Variants in ARID1B observed in about 807,000 individuals in gnomAD.
The protein encoded by ARID1B is AT-rich interactive domain-containing protein 1B.
A neutral mutation model predicts 212.3 loss-of-function variants in ARID1B; 30 were observed. The ratio of observed to expected loss-of-function variants is 0.14; its 90% CI spans 0.11 to 0.19. The LOEUF is 0.19. Ranked by LOEUF, ARID1B falls within the 10% of genes least tolerant of loss-of-function variation. ARID1B has a pLI of 1.00. For missense variants in ARID1B, 2,891 were observed against 3,204.0 expected, an observed-to-expected ratio of 0.90 and a Z score of 2.36; for synonymous variants, 1,402 against 1,301.7, an observed-to-expected ratio of 1.08 and a Z score of -1.66.
At chr6:156,827,588 G>A (rs922300595) in intron 1 of ARID1B, among the ~76,000 whole-genome samples, 1 of 152,082 alleles carries the variant, frequency 6.6e-6, no homozygotes, top group Admixed American at 6.5e-5. Flanking sequence ...CAGCATCTTC[G>A]TAAATTCGTG....
At chr6:156,913,343 A>C (rs1445712412) in intron 3 of ARID1B, among the ~76,000 whole-genome samples, 1 of 150,550 alleles carries the variant, frequency 6.6e-6, no homozygotes, top group Non-Finnish European at 1.5e-5. Flanking sequence ...CAGCCTCTTG[A>C]GTAGCTAGAA....
intron 4 of ARID1B, among the ~76,000 whole-genome samples, chr6:157,063,796 T>C (rs12663721): frequency 0.028 from 4,234 of 152,292 alleles, 299 homozygotes; most frequent in East Asian, 0.28. Flanking sequence ...TCATGACTTA[T>C]CACAGGGTGA....
intron 3 of ARID1B, among the ~76,000 whole-genome samples, chr6:156,933,814 TAC>T (rs775367482): frequency 1.3e-5 from 2 of 152,200 alleles, no homozygotes; most frequent in Non-Finnish European, 2.9e-5. Context: ...GAAGAAGGGC[TAC>T]ATGTGAAAAG....
intron 8 of ARID1B, chr6:157,166,183 A>G (rs1034743714): frequency 2.0e-5 from 3 of 152,214 alleles, no homozygotes; most frequent in African/African-American, 7.2e-5. Flanking sequence ...TGTGCAGTTA[A>G]AATCTCTCCC....
chr6:156,838,591 G>A (rs1783670495), intron 2 of ARID1B, among the ~76,000 whole-genome samples: 5 of 152,042 alleles, frequency 3.3e-5, no homozygotes, highest in African/African-American at 7.2e-5. Flanking sequence ...GGGAGGGATA[G>A]CATTAGGAGA....
At chr6:157,065,209 A>T (rs975904661) in intron 4 of ARID1B, among the ~76,000 whole-genome samples, 3 of 152,240 alleles carry the variant, frequency 2.0e-5, no homozygotes, top group Non-Finnish European at 2.9e-5. Context: ...AAAGTAATGA[A>T]AACTTGAAGG....
chr6:157,031,357 G>T (rs989279424), intron 4 of ARID1B, among the ~76,000 whole-genome samples: 2 of 152,194 alleles, frequency 1.3e-5, no homozygotes, highest in African/African-American at 4.8e-5. Context: ...AGCAAACATT[G>T]TAAGGAGAGT....
At chr6:156,818,663 C>G (rs1162768780) in intron 1 of ARID1B, among the ~76,000 whole-genome samples, 1 of 152,096 alleles carries the variant, frequency 6.6e-6, no homozygotes, top group Non-Finnish European at 1.5e-5. Flanking sequence ...AGATGTGAAC[C>G]CAGGTGTACC....
rs1286359206 is a variant in ARID1B, at chr6:157,133,526, G to A, written c.2761+319G>A. 2.6e-5 allele frequency among the ~76,000 whole-genome samples: 4 copies of A among 152,212 alleles called. No individual in the cohort carries two copies. In the East Asian group the frequency reaches 5.8e-4, roughly 22 times the overall value. On this transcript the variant is annotated intron_variant, in intron 7 of 19. Transcript: ENST00000636930. Reference sequence around the variant, plus strand: ...ACGTAGAGAAAAAGACACAAGCCACGTTCTCAGGTTTCTGATGTCAAACTT... The same window carrying A: ...ACGTAGAGAAAAAGACACAAGCCACATTCTCAGGTTTCTGATGTCAAACTT...
chr6:157,202,757 A>G (rs1200291251), intron 18 of ARID1B, among the ~76,000 whole-genome samples: 2 of 150,052 alleles, frequency 1.3e-5, no homozygotes, highest in Non-Finnish European at 1.5e-5. Context: ...ATAAATATAG[A>G]TATATAGATA....
At position 157,020,180 on chromosome 6, in the gene ARID1B, A is replaced by G. The variant is rs374323964; in HGVS notation, c.2248-64482A>G. Among the ~76,000 whole-genome samples the G allele has an allele frequency of 1.4e-4, 22 of 152,350 alleles. 2 individuals carry two copies. Among genetic ancestry groups the G allele is most frequent in the African/African-American group, 5.3e-4 (22 of 41,582 alleles). On this transcript the variant is annotated intron_variant, in intron 4 of 19. Coordinates refer to ENST00000636930, the MANE Select transcript of ARID1B (RefSeq NM_001374828.1). ...GGAAATGTTTTATTTAAGAAAATTA[A>G]TAATATTTAGAAAATAAATTGGATG...
rs1583025508 is a variant in ARID1B, at chr6:156,778,868, CGGCGGA to C, written c.1191_1196del (p.Gly401_Gly402del). The stretch of plus-strand genomic sequence containing the variant: ...GCGCGGGCGGCGGCGGCGGCGGCGG[CGGCGGA>C]GGAGGAGGAGGCAGCGGAGGAGGAG... On this transcript the variant is annotated inframe_deletion, in exon 1 of 20. Transcript: ENST00000636930. 3.6e-6 allele frequency: 5 copies of C among 1,398,696 alleles called. No homozygotes were observed. Among genetic ancestry groups the C allele is most frequent in the South Asian group, 3.2e-5 (2 of 62,358 alleles). The allele number at this position is 1,398,696 out of a possible 1,614,324, so 86.6% of individuals were successfully genotyped here.
intron 8 of ARID1B, among the ~76,000 whole-genome samples, chr6:157,155,655 C>T (rs1790528287): frequency 6.6e-6 from 1 of 152,104 alleles, no homozygotes; most frequent in South Asian, 2.1e-4. Context: ...GTGTTGAGTC[C>T]ATTAGGAAAT....
At chr6:157,038,572 A>AT (rs1195778201) in intron 4 of ARID1B, among the ~76,000 whole-genome samples, 1 of 152,096 alleles carries the variant, frequency 6.6e-6, no homozygotes, top group Non-Finnish European at 1.5e-5. Flanking sequence ...ACCCTAATAA[A>AT]TTTTTTATGT....
chr6:156,921,540 G>A (rs1322964252), intron 3 of ARID1B, among the ~76,000 whole-genome samples: 2 of 151,454 alleles, frequency 1.3e-5, no homozygotes, highest in Non-Finnish European at 2.9e-5. Flanking sequence ...GCTATTTCTT[G>A]GAGAAGGGGG....
At chr6:157,005,675 G>A (rs1356406946) in intron 4 of ARID1B, among the ~76,000 whole-genome samples, 2 of 152,084 alleles carry the variant, frequency 1.3e-5, no homozygotes, top group Admixed American at 6.5e-5. Context: ...CCCGATCTCC[G>A]TTCTACTCAC....
chr6:156,794,361 C>T (rs1034827456), intron 1 of ARID1B, among the ~76,000 whole-genome samples: 14 of 151,960 alleles, frequency 9.2e-5, no homozygotes, highest in Admixed American at 3.3e-4. Context: ...GCAATCCTCC[C>T]ACCGCAGCCT....
chr6:157,155,139 GT>G (rs1171368337), intron 8 of ARID1B, among the ~76,000 whole-genome samples: 1 of 152,184 alleles, frequency 6.6e-6, no homozygotes, highest in Admixed American at 6.5e-5. Context: ...GCAGCTCAGA[GT>G]TAGATTGTTT....
chr6:156,805,530 T>C (rs1583071690), intron 1 of ARID1B, among the ~76,000 whole-genome samples: 2 of 152,188 alleles, frequency 1.3e-5, no homozygotes, highest in African/African-American at 4.8e-5. Flanking sequence ...GAAGGGCAGC[T>C]ATTGGTTTGC....
Sources: allele counts gnomAD v4.1 joint callset (sites outside exome capture counted in the v4.1 genomes callset), GRCh38; gene constraint gnomAD v4.1.1; transcripts MANE v1.5; gene names NCBI Gene and HGNC (gene_info 2026-07-23, HGNC 2026-07-21).